Variants in DLAT observed in about 807,000 individuals in gnomAD.
DLAT encodes the protein dihydrolipoyllysine-residue acetyltransferase component of pyruvate dehydrogenase complex, mitochondrial.
A neutral mutation model predicts 68.0 loss-of-function variants in DLAT; 43 were observed. The observed-to-expected ratio is 0.63, with a 90% CI of 0.50 to 0.81. The LOEUF (loss-of-function observed/expected upper bound fraction) is 0.81. Ranked by LOEUF, DLAT falls within the 40% of genes least tolerant of loss-of-function variation. The pLI, the probability that DLAT is intolerant of heterozygous loss-of-function variation, is 0.00. For synonymous variants in DLAT, 265 were observed against 288.6 expected (o/e 0.92, Z 0.83); for missense variants, 745 against 815.4 (o/e 0.91, Z 1.05).
intron 4 of DLAT, among the ~76,000 whole-genome samples, chr11:112,031,740 ATTTTTTTTT>A (rs35661701): frequency 4.5e-5 from 6 of 133,500 alleles, no homozygotes; most frequent in Non-Finnish European, 6.4e-5. Context: ...TGCCCAGCTA[ATTTTTTTTT>A]TTTTTTTTTT....
intron 11 of DLAT, among the ~76,000 whole-genome samples, chr11:112,054,491 A>G (rs1863880471): frequency 6.6e-6 from 1 of 152,162 alleles, no homozygotes; most frequent in African/African-American, 2.4e-5. Context: ...GCTTTAGGGA[A>G]GGCTAGTTTT....
chr11:112,028,805 G>A lies in DLAT; in HGVS notation c.520G>A (p.Glu174Lys). 1.9e-6 allele frequency: 3 copies of A among 1,614,076 alleles called. No homozygotes were observed. The highest frequency in any genetic ancestry group is 2.5e-6 in the Non-Finnish European group (3 of 1,180,012). ...TCTCTTCCTTAGGCCTGAGGATATT[G>A]AGGCCTTTAAAAATTATACACTGGA... is the stretch of plus-strand genomic sequence containing the variant. ...CITVGKPEDI[E>K]AFKNYTLDSS... is the part of the protein sequence containing the mutation. Residue 174 changes from glutamate to lysine, a missense_variant, in exon 4 of 14, where the codon GAG becomes AAG. Physicochemically the swap from Glu to Lys is moderately conservative, Grantham distance 56. Coordinates refer to ENST00000280346, the MANE Select transcript of DLAT (RefSeq NM_001931.5).
intron 8 of DLAT, 145 bp from the exon 9 acceptor site, chr11:112,044,992 GC>G: frequency 4.3e-6 from 3 of 704,512 alleles, no homozygotes; most frequent in Non-Finnish European, 7.7e-6. Context: ...CCATGATTGA[GC>G]CACTGCATTC....
At chr11:112,038,838 T>C (rs1399554713) in intron 6 of DLAT, among the ~76,000 whole-genome samples, 2 of 150,802 alleles carry the variant, frequency 1.3e-5, no homozygotes, top group East Asian at 3.9e-4. Context: ...AGAGCAAGAC[T>C]CTGTCTCAAA....
chr11:112,043,427 G>C, intron 7 of DLAT, 39 bp from the exon 8 acceptor site: 1 of 1,577,866 alleles, frequency 6.3e-7, no homozygotes, highest in Non-Finnish European at 8.7e-7. Flanking sequence ...GGGAACCAAT[G>C]GTATGTCATC....
chr11:112,026,174 A>G, intron 1 of DLAT, 24 bp from the exon 2 acceptor site: 1 of 1,564,740 alleles, frequency 6.4e-7, no homozygotes, highest in Non-Finnish European at 8.8e-7. Flanking sequence ...AAAAATTTTA[A>G]TGTTTCTTCT....
Position 112,064,048 on chromosome 11 carries a change from G to T in DLAT, c.*1513G>T. Reference sequence around the variant, plus strand: ...GACTTTTACCTTGCTGTATTATTATGAAAACAATACATTAATTTGATTTTT... The same window carrying T: ...GACTTTTACCTTGCTGTATTATTATTAAAACAATACATTAATTTGATTTTT... On this transcript the variant is annotated 3_prime_UTR_variant, in exon 14 of 14. Transcript: ENST00000280346. 3 of 843,630 alleles carry T rather than the reference G, an allele frequency of 3.6e-6. No homozygotes were observed. The highest frequency in any genetic ancestry group is 2.0e-5 in the South Asian group (1 of 50,954). The allele number at this position is 843,630 out of a possible 1,614,324, so 52.3% of individuals were successfully genotyped here. A position where few individuals can be genotyped will look rare whatever the true frequency, so the allele number is the denominator to read the frequency against.
chr11:112,046,046 C>A, intron 10 of DLAT, 76 bp downstream of exon 10: 1 of 860,900 alleles, frequency 1.2e-6, no homozygotes, highest in Non-Finnish European at 1.9e-6. Flanking sequence ...ATATTTTTGT[C>A]CATATATTTT....
intron 12 of DLAT, 53 bp downstream of exon 12, chr11:112,060,118 T>C (rs1286911021): frequency 6.7e-7 from 1 of 1,489,230 alleles, no homozygotes; most frequent in African/African-American, 1.4e-5. Flanking sequence ...GTTTGCATAA[T>C]GCATTTATTG....
chr11:112,039,108 A>T, intron 6 of DLAT, 136 bp from the exon 7 acceptor site: 1 of 841,880 alleles, frequency 1.2e-6, no homozygotes, highest in Non-Finnish European at 1.7e-6. Flanking sequence ...AAAGTACATT[A>T]TGATCTTTGG....
intron 10 of DLAT, among the ~76,000 whole-genome samples, chr11:112,048,969 ATTTTTTTTTTTT>A (rs34651095): frequency 1.1e-5 from 1 of 93,668 alleles, no homozygotes; most frequent in Non-Finnish European, 2.0e-5. Flanking sequence ...TTTTCTCAAG[ATTTTTTTTTTTT>A]TTTTTTTTTT....
At chr11:112,030,334 T>TG in intron 4 of DLAT, 1 of 507,836 alleles carries the variant, frequency 2.0e-6, no homozygotes, top group East Asian at 5.2e-5. Flanking sequence ...AAGAACACCA[T>TG]GGGGTTAGCA....
At chr11:112,052,011 C>A (rs1012643500) in intron 11 of DLAT, among the ~76,000 whole-genome samples, 3 of 152,082 alleles carry the variant, frequency 2.0e-5, no homozygotes, top group Non-Finnish European at 4.4e-5. Context: ...AAACAGACTC[C>A]GTGAGTTAAG....
intron 4 of DLAT, among the ~76,000 whole-genome samples, chr11:112,032,858 G>A (rs1450355077): frequency 1.3e-5 from 2 of 152,140 alleles, no homozygotes; most frequent in African/African-American, 2.4e-5. Context: ...TTGTGGATGG[G>A]CGTTCAGAGA....
chr11:112,041,073 A>G (rs1367942494), intron 7 of DLAT, among the ~76,000 whole-genome samples: 1 of 152,222 alleles, frequency 6.6e-6, no homozygotes, highest in Admixed American at 6.5e-5. Context: ...GACCAACAAT[A>G]AAGAATTAAA....
At chr11:112,061,385 C>G (rs1227681144) in intron 13 of DLAT, 2 of 559,948 alleles carry the variant, frequency 3.6e-6, no homozygotes, top group Non-Finnish European at 6.3e-6. Context: ...TAATACAATA[C>G]CTAAACAGCA....
chr11:112,034,580 C>A (rs1555180228), intron 5 of DLAT, among the ~76,000 whole-genome samples: 1 of 151,508 alleles, frequency 6.6e-6, no homozygotes, highest in East Asian at 1.9e-4. Flanking sequence ...GTAGCTGGGA[C>A]TACAGGTGCC....
At chr11:112,048,313 G>C (rs1340757853) in intron 10 of DLAT, among the ~76,000 whole-genome samples, 1 of 152,092 alleles carries the variant, frequency 6.6e-6, no homozygotes, top group Admixed American at 6.6e-5. Context: ...TTTGCACATT[G>C]ATTTTGTATC....
chr11:112,046,778 C>G (rs968871414), intron 10 of DLAT, among the ~76,000 whole-genome samples: 2 of 151,698 alleles, frequency 1.3e-5, no homozygotes, highest in African/African-American at 4.9e-5. Context: ...CATCCATGTC[C>G]CTGCAAAGGA....
Sources: gnomAD v4.1 joint callset for allele counts (sites outside exome capture counted in the v4.1 genomes callset) on GRCh38, gnomAD v4.1.1 for gene constraint, MANE v1.5 for transcripts, NCBI Gene and HGNC (gene_info 2026-07-23, HGNC 2026-07-21) for gene names.